CEP89: variants seen among roughly 807,000 people sequenced by gnomAD.
CEP89 encodes the protein centrosomal protein 89, also known as centrosomal protein of 89 kDa.
A neutral mutation model predicts 97.6 loss-of-function variants in CEP89; 95 were observed. The ratio of observed to expected loss-of-function variants is 0.97; its 90% CI spans 0.82 to 1.15. The LOEUF (loss-of-function observed/expected upper bound fraction) is 1.15. CEP89 is among the 50% of genes most tolerant of loss of function. The pLI, the probability that CEP89 is intolerant of heterozygous loss-of-function variation, is 0.00. For missense variants in CEP89, 869 were observed against 947.7 expected, an observed-to-expected ratio of 0.92 and a Z score of 1.09; for synonymous variants, 354 against 349.1, an observed-to-expected ratio of 1.01 and a Z score of -0.16.
At chr19:32,907,955 A>T (rs1176739815) in intron 14 of CEP89, among the ~76,000 whole-genome samples, 1 of 151,800 alleles carries the variant, frequency 6.6e-6, no homozygotes, top group African/African-American at 2.4e-5. Flanking sequence ...ATACACAAAT[A>T]CTTACCATTG....
chr19:32,953,280 TAAAG>T (rs1970964127), intron 4 of CEP89, among the ~76,000 whole-genome samples: 2 of 151,460 alleles, frequency 1.3e-5, no homozygotes, highest in African/African-American at 4.9e-5. Context: ...GGCATGAATT[TAAAG>T]AAAGGCTGCA....
At chr19:32,944,361 G>C (rs1970752856) in intron 5 of CEP89, among the ~76,000 whole-genome samples, 2 of 152,156 alleles carry the variant, frequency 1.3e-5, no homozygotes, top group Non-Finnish European at 2.9e-5. Context: ...CAGGCTGTGA[G>C]TGCTTCGAAG....
intron 3 of CEP89, 44 bp from the exon 4 acceptor site, chr19:32,953,845 AACACTTG>A: frequency 7.7e-7 from 1 of 1,305,248 alleles, no homozygotes; most frequent in Middle Eastern, 2.1e-4. Context: ...AAAGTCACTT[AACACTTG>A]ACACTGATAA....
Position 32,960,115 on chromosome 19 carries a change from T to C in CEP89, c.147-57A>G. The C allele has an allele frequency of 1.3e-6, 2 of 1,587,710 alleles. 1 individual carries two copies. The highest frequency in any genetic ancestry group is 2.2e-5 in the South Asian group (2 of 89,170). ...AGACATGAACATTCCAGGTGAATGC[T>C]GAACAAGGTACATAAACTCATCAAG... On this transcript the variant is annotated intron_variant, in intron 2 of 18. Transcript: ENST00000305768.
In CEP89 at chr19:32,952,483, A is replaced by T. The variant is rs533705844; in HGVS notation, c.492+1132T>A. On this transcript the variant is annotated intron_variant, in intron 4 of 18. Transcript: ENST00000305768. ...GGACAGTGAGACCCCATCTCAATTT[A>T]AAAAAAAAAAAGTGTTTTAATATAG... 4.6e-3 allele frequency among the ~76,000 whole-genome samples: 433 copies of T among 94,008 alleles called. 3 individuals carry two copies. The highest frequency in any genetic ancestry group is 0.017 in the African/African-American group (398 of 23,822). The allele number at this position is 94,008 out of a possible 152,430, so 61.7% of individuals were successfully genotyped here. A position where few individuals can be genotyped will look rare whatever the true frequency, so the allele number is the denominator to read the frequency against.
chr19:32,878,835 G>C lies in CEP89; in HGVS notation c.*327C>G, dbSNP rs1471985713. On this transcript the variant is annotated 3_prime_UTR_variant, in exon 19 of 19. Transcript: ENST00000305768. ...AGAAAAAAATTAGCTGGGCCTGACAGTGCACACCTGAGGTCCCAGCTACTC... is the reference window on the plus strand; with the variant it reads ...AGAAAAAAATTAGCTGGGCCTGACACTGCACACCTGAGGTCCCAGCTACTC... 1.3e-5 allele frequency: 3 copies of C among 227,926 alleles called. No homozygotes were observed. Among genetic ancestry groups the C allele is most frequent in the Admixed American group, 5.5e-5 (1 of 18,306 alleles). The allele number at this position is 227,926 out of a possible 1,614,324, so 14.1% of individuals were successfully genotyped here. A position where few individuals can be genotyped will look rare whatever the true frequency, so the allele number is the denominator to read the frequency against.
intron 6 of CEP89, among the ~76,000 whole-genome samples, chr19:32,938,236 T>A (rs1277200099): frequency 6.6e-6 from 1 of 152,140 alleles, no homozygotes; most frequent in Non-Finnish European, 1.5e-5. Flanking sequence ...TCAGTGACTG[T>A]CCTTACAGGT....
intron 9 of CEP89, among the ~76,000 whole-genome samples, chr19:32,930,291 G>C (rs1970445106): frequency 6.6e-6 from 1 of 151,960 alleles, no homozygotes; most frequent in Admixed American, 6.6e-5. Context: ...GCCTCCCAAA[G>C]TGCTGGGATT....
At chr19:32,915,912 C>G (rs1408378525) in intron 13 of CEP89, among the ~76,000 whole-genome samples, 3 of 88,998 alleles carry the variant, frequency 3.4e-5, no homozygotes, top group African/African-American at 1.5e-4. Flanking sequence ...GAGTGAGACT[C>G]TCTCAGAAAA....
intron 18 of CEP89, among the ~76,000 whole-genome samples, chr19:32,879,757 G>C (rs555914605): frequency 6.6e-6 from 1 of 152,342 alleles, no homozygotes; most frequent in East Asian, 1.9e-4. Context: ...TGCAGGGCTG[G>C]CCTTGGCCAG....
At chr19:32,971,658 TAAAAA>T in intron 1 of CEP89, 173 bp downstream of exon 1, 2 of 590,212 alleles carry the variant, frequency 3.4e-6, no homozygotes, top group Non-Finnish European at 5.9e-6. Context: ...CCCTGTTTCT[TAAAAA>T]AAAAAAAAAA....
chr19:32,922,862 A>G (rs932492185), intron 12 of CEP89, among the ~76,000 whole-genome samples: 1 of 151,600 alleles, frequency 6.6e-6, no homozygotes, highest in Non-Finnish European at 1.5e-5. Flanking sequence ...AAAAAAAAAG[A>G]AAAGAAACAG....
intron 8 of CEP89, among the ~76,000 whole-genome samples, chr19:32,933,178 G>C (rs111698324): frequency 1.3e-5 from 2 of 152,150 alleles, no homozygotes; most frequent in African/African-American, 4.8e-5. Flanking sequence ...TGAAATATAT[G>C]TAAGCTAAGC....
rs1030217624 is a variant in CEP89, at chr19:32,877,427, C to T, written c.*1735G>A. On this transcript the variant is annotated 3_prime_UTR_variant, in exon 19 of 19. Transcript: ENST00000305768. ...AGGGTCCTTTGTAGCCCAATGTCCCCAAGTCCCTCCAGCATGCCTGGGACT... is the reference window on the plus strand; with the variant it reads ...AGGGTCCTTTGTAGCCCAATGTCCCTAAGTCCCTCCAGCATGCCTGGGACT... The T allele has an allele frequency of 2.6e-5, 4 of 152,212 alleles. No individual in the cohort carries two copies. Among genetic ancestry groups the T allele is most frequent in the African/African-American group, 9.7e-5 (4 of 41,436 alleles). 9.4% of individuals were successfully genotyped at this position (152,212 alleles called of 1,614,324 possible). A position where few individuals can be genotyped will look rare whatever the true frequency, so the allele number is the denominator to read the frequency against.
At chr19:32,909,790 G>A (rs1013244135) in intron 14 of CEP89, among the ~76,000 whole-genome samples, 4 of 152,168 alleles carry the variant, frequency 2.6e-5, no homozygotes, top group African/African-American at 9.7e-5. Flanking sequence ...CCAGCCTTAG[G>A]TCATCAGGAA....
chr19:32,951,570 C>T (rs1056647637), intron 4 of CEP89, among the ~76,000 whole-genome samples: 5 of 151,226 alleles, frequency 3.3e-5, no homozygotes, highest in African/African-American at 1.2e-4. Context: ...CACACACGCA[C>T]ACTACTACAG....
chr19:32,966,344 C>T lies in CEP89; in HGVS notation c.146+16G>A, dbSNP rs778924766. 1 of 1,461,860 alleles carries T rather than the reference C, an allele frequency of 6.8e-7. No homozygotes were observed. The highest frequency in any genetic ancestry group is 2.0e-5 in the Admixed American group (1 of 49,178). 90.6% of individuals were successfully genotyped at this position (1,461,860 alleles called of 1,614,324 possible). ...AGCACAGGGGTGACCTCAGTGCCTG[C>T]TCATCTGATACTCACCTTGGTCTCT... On this transcript the variant is annotated intron_variant, in intron 2 of 18. Coordinates refer to ENST00000305768, the MANE Select transcript of CEP89 (RefSeq NM_032816.5).
intron 18 of CEP89, among the ~76,000 whole-genome samples, chr19:32,880,139 A>G (rs1969250328): frequency 6.6e-6 from 1 of 152,216 alleles, no homozygotes; most frequent in Non-Finnish European, 1.5e-5. Flanking sequence ...GTCCACTGGG[A>G]ATAGACCAGG....
At chr19:32,881,059 C>G (rs779814821) in intron 18 of CEP89, among the ~76,000 whole-genome samples, 1 of 152,176 alleles carries the variant, frequency 6.6e-6, no homozygotes, top group South Asian at 2.1e-4. Flanking sequence ...CTAGAGCCAC[C>G]GGCCTGCTCT....
Sources: allele counts gnomAD v4.1 joint callset (sites outside exome capture counted in the v4.1 genomes callset), GRCh38; gene constraint gnomAD v4.1.1; transcripts MANE v1.5; gene names NCBI Gene and HGNC (gene_info 2026-07-23, HGNC 2026-07-21).